The following DLGAP4 variants were observed in gnomAD, a reference collection of about 807,000 sequenced individuals.
The protein encoded by DLGAP4 is DLG associated protein 4.
In DLGAP4, 18 loss-of-function variants were observed where a neutral mutation model predicts 86.9. The ratio of observed to expected loss-of-function variants is 0.21; its 90% CI spans 0.14 to 0.31. The LOEUF (loss-of-function observed/expected upper bound fraction) is 0.31, where lower values mean the gene tolerates loss of function less well. DLGAP4 is among the 10% of genes least tolerant of loss of function. DLGAP4 has a pLI of 1.00. For missense variants in DLGAP4, 1,085 were observed against 1,362.6 expected (o/e 0.80, Z 3.21); for synonymous variants, 548 against 574.3 (o/e 0.95, Z 0.65).
At chr20:36,374,700 T>C (rs1247911632) in intron 2 of DLGAP4, among the ~76,000 whole-genome samples, 1 of 152,170 alleles carries the variant, frequency 6.6e-6, no homozygotes. Flanking sequence ...TGGTCTAAAT[T>C]CCTTCCCACC....
intron 7 of DLGAP4, among the ~76,000 whole-genome samples, chr20:36,478,396 A>G (rs938793395): frequency 6.6e-5 from 10 of 152,330 alleles, no homozygotes; most frequent in East Asian, 1.9e-4. Flanking sequence ...ATGAAGGGCA[A>G]TTGATGTCAC....
intron 2 of DLGAP4, among the ~76,000 whole-genome samples, chr20:36,371,632 G>T (rs970187624): frequency 6.6e-5 from 10 of 152,200 alleles, no homozygotes; most frequent in African/African-American, 2.4e-4. Context: ...CATCACCACG[G>T]GACCAGTTAA....
At chr20:36,455,003 C>T (rs917526396) in intron 7 of DLGAP4, among the ~76,000 whole-genome samples, 6 of 152,162 alleles carry the variant, frequency 3.9e-5, no homozygotes, top group African/African-American at 1.2e-4. Flanking sequence ...GAGAAGCAGC[C>T]GCTATGGATG....
At chr20:36,380,610 AGAGAGAGAGAGAGAGAGAGAGAG>A (rs2031346005) in intron 2 of DLGAP4, among the ~76,000 whole-genome samples, 1 of 6,840 alleles carries the variant, frequency 1.5e-4, no homozygotes, top group Non-Finnish European at 2.3e-4. Flanking sequence ...AGAGAGAGAG[AGAGAGAGAGAGAGAGAGAGAGAG>A]AGAGAGAGAG....
intron 1 of DLGAP4, among the ~76,000 whole-genome samples, chr20:36,357,786 A>C (rs531756595): frequency 6.6e-6 from 1 of 152,332 alleles, no homozygotes; most frequent in African/African-American, 2.4e-5. Flanking sequence ...ATTACAGGGA[A>C]ATGTCATTAA....
In DLGAP4 at chr20:36,344,739, G is replaced by A. The variant is rs368455460; in HGVS notation, c.-303-22306G>A. 9.2e-5 allele frequency among the ~76,000 whole-genome samples: 14 copies of A among 152,334 alleles called. No homozygotes were observed. The East Asian group carries it at 1.3e-3, about 15-fold the overall frequency. The stretch of plus-strand genomic sequence containing the variant: ...ACAGCTCCCAGTGGACCTGGGCCTC[G>A]GCTGGGCCTAGGGCCCTGGGTGTGA... On this transcript the variant is annotated intron_variant, in intron 1 of 12. Transcript: ENST00000339266.
intron 2 of DLGAP4, among the ~76,000 whole-genome samples, chr20:36,391,586 G>T (rs2031785137): frequency 6.6e-6 from 1 of 152,146 alleles, no homozygotes; most frequent in African/African-American, 2.4e-5. Context: ...ACCCTGGCTG[G>T]GTGGAAGAAG....
intron 1 of DLGAP4, among the ~76,000 whole-genome samples, chr20:36,320,972 C>T (rs565538542): frequency 2.0e-5 from 3 of 152,332 alleles, no homozygotes; most frequent in Admixed American, 6.5e-5. Context: ...AGTCAGCAAA[C>T]GAGGATTTGA....
At chr20:36,404,873 A>T (rs560125524) in intron 2 of DLGAP4, among the ~76,000 whole-genome samples, 58 of 152,370 alleles carry the variant, frequency 3.8e-4, no homozygotes, top group Non-Finnish European at 7.2e-4. Flanking sequence ...TACAGAGTGC[A>T]GATGATCTAG....
At chr20:36,456,163 A>G (rs1353693946) in intron 7 of DLGAP4, among the ~76,000 whole-genome samples, 2 of 152,190 alleles carry the variant, frequency 1.3e-5, no homozygotes, top group Non-Finnish European at 2.9e-5. Context: ...ACACACAGAC[A>G]TGCACACACA....
intron 1 of DLGAP4, among the ~76,000 whole-genome samples, chr20:36,338,825 C>G (rs1555892269): frequency 1.3e-5 from 2 of 152,170 alleles, no homozygotes; most frequent in Non-Finnish European, 2.9e-5. Context: ...TGAGCTAAAC[C>G]CTGAGGAAGG....
At chr20:36,343,017 G>C (rs2065399340) in intron 1 of DLGAP4, among the ~76,000 whole-genome samples, 1 of 152,180 alleles carries the variant, frequency 6.6e-6, no homozygotes, top group South Asian at 2.1e-4. Flanking sequence ...ACTGAGTGAG[G>C]GGGAGGGGAG....
At chr20:36,462,652 G>A in intron 7 of DLGAP4, 1 of 1,555,202 alleles carries the variant, frequency 6.4e-7, no homozygotes, top group East Asian at 2.5e-5. Context: ...GGCTGGCCGC[G>A]GCCGAGGCTC....
At chr20:36,436,489 T>C in intron 4 of DLGAP4, 139 bp downstream of exon 4, 7 of 1,363,224 alleles carry the variant, frequency 5.1e-6, no homozygotes, top group Non-Finnish European at 6.7e-6. Context: ...CCACGCCCAC[T>C]CATGAGTCCT....
intron 7 of DLGAP4, chr20:36,462,627 C>T (rs546568361): frequency 6.4e-7 from 1 of 1,574,406 alleles, no homozygotes; most frequent in South Asian, 1.2e-5. Flanking sequence ...CGGGTCGGGC[C>T]GGAGTTGGCC....
In DLGAP4 at chr20:36,496,753, C is replaced by A; in HGVS notation, c.1697C>A (p.Pro566Gln). 1 of 1,613,134 alleles carries A rather than the reference C, an allele frequency of 6.2e-7. No homozygotes were observed. Among genetic ancestry groups the A allele is most frequent in the Non-Finnish European group, 8.5e-7 (1 of 1,179,136 alleles). Residue 566 changes from proline (P) to glutamine (Q), a missense_variant, in exon 8 of 13, where the codon CCA becomes CAA. Pro to Gln is a moderately conservative substitution (Grantham distance 76). Transcript: ENST00000339266. ...AYKKTPPPVP[P>Q]RTTSKPFISV... ...AAGAAGACCCCGCCACCGGTCCCTC[C>A]ACGCACCACTTCAAAGCCGTTCATC... is the stretch of plus-strand genomic sequence containing the variant.
rs376324829 is a variant in DLGAP4 at position 36,481,984 on chromosome 20, G to GA, written c.1649-14713dup. 2.3e-3 allele frequency among the ~76,000 whole-genome samples: 354 copies of GA among 152,012 alleles called. 2 individuals carry two copies. Among genetic ancestry groups the GA allele is most frequent in the African/African-American group, 7.6e-3 (313 of 41,434 alleles). ...CAGGGTCTTAATATAAGCTCTGAGG[G>GA]AAAAAAAATCCCTCTGTTTTTCTGT... On this transcript the variant is annotated intron_variant, in intron 7 of 12. Transcript: ENST00000339266.
intron 2 of DLGAP4, among the ~76,000 whole-genome samples, chr20:36,407,157 T>A (rs1439249884): frequency 6.6e-6 from 1 of 152,090 alleles, no homozygotes; most frequent in Non-Finnish European, 1.5e-5. Context: ...CAGGGCAACA[T>A]AGCAAGAACC....
chr20:36,427,841 G>A (rs1253691805), intron 2 of DLGAP4, among the ~76,000 whole-genome samples: 1 of 151,862 alleles, frequency 6.6e-6, no homozygotes, highest in Non-Finnish European at 1.5e-5. Flanking sequence ...TACTAGTTAG[G>A]CTGAGGCACG....
Sources: gnomAD v4.1 joint callset for allele counts (sites outside exome capture counted in the v4.1 genomes callset) on GRCh38, gnomAD v4.1.1 for gene constraint, MANE v1.5 for transcripts, NCBI Gene and HGNC (gene_info 2026-07-23, HGNC 2026-07-21) for gene names.